Variants in ZNF362 observed in about 807,000 individuals in gnomAD.
ZNF362 encodes the protein rotund homolog.
Under a neutral mutation model 42.9 loss-of-function variants are expected in ZNF362, and 11 were observed. That is an observed-to-expected ratio of 0.26 (90% CI 0.16 to 0.42). The LOEUF is 0.42. Among genes scored for constraint, ZNF362 ranks in the 20% least tolerant of loss-of-function variants. The pLI is 1.00. For missense variants in ZNF362, 362 were observed against 576.2 expected, an observed-to-expected ratio of 0.63 and a Z score of 3.81; for synonymous variants, 255 against 257.3, an observed-to-expected ratio of 0.99 and a Z score of 0.09.
the ZNF362 span, among the ~76,000 whole-genome samples, chr1:33,221,830 C>A: frequency 6.6e-6 from 1 of 152,068 alleles, no homozygotes; most frequent in East Asian, 1.9e-4. Context: ...AACGATGGGG[C>A]AGTAGGATGC....
At chr1:33,256,479 G>A, upstream of ZNF362, 2 of 124,328 alleles carry the variant, frequency 1.6e-5, no homozygotes, top group Non-Finnish European at 3.1e-5. Context: ...CCGCCTCGGC[G>A]CTTGCAGAAC....
chr1:33,270,261 T>TAGTGCTGGGCC (rs934644344), intron 1 of ZNF362, among the ~76,000 whole-genome samples: 5 of 152,148 alleles, frequency 3.3e-5, no homozygotes, highest in African/African-American at 4.8e-5. Flanking sequence ...GTTGGCCCTG[T>TAGTGCTGGGCC]AGTGCTGGGC....
chr1:33,266,674 A>G lies in ZNF362; in HGVS notation c.-88-3813A>G, dbSNP rs1035175250. Reference sequence around the variant, plus strand: ...GGACTGGACAAATAACCAGATAACCAGACAGTTCCTCAAGGTGGTGCCAGC... The same window carrying G: ...GGACTGGACAAATAACCAGATAACCGGACAGTTCCTCAAGGTGGTGCCAGC... On this transcript the variant is annotated intron_variant, in intron 1 of 8. Transcript: ENST00000539719. This position sits in a 1 kb window ranked among gnomAD's most constrained non-coding sequence, Gnocchi z 4.3. Among the ~76,000 whole-genome samples the G allele has an allele frequency of 1.3e-5, 2 of 152,210 alleles. No homozygotes were observed. Among genetic ancestry groups the G allele is most frequent in the Admixed American group, 6.5e-5 (1 of 15,286 alleles).
chr1:33,296,594 C>A (rs942267046), intron 8 of ZNF362, among the ~76,000 whole-genome samples: 1 of 152,092 alleles, frequency 6.6e-6, no homozygotes, highest in Non-Finnish European at 1.5e-5. Flanking sequence ...CCTGGAGGAG[C>A]AACACTTAGG....
intron 6 of ZNF362, among the ~76,000 whole-genome samples, chr1:33,288,603 A>T (rs1396088793): frequency 4.0e-5 from 6 of 151,780 alleles, no homozygotes. Context: ...AAATTAGCCG[A>T]GCACAGTGGC....
intron 3 of ZNF362, 82 bp from the exon 4 acceptor site, chr1:33,276,266 G>A: frequency 1.3e-6 from 2 of 1,567,300 alleles, no homozygotes; most frequent in South Asian, 1.2e-5. Context: ...GAGGAGCGAG[G>A]GGCTCGCGGG....
chr1:33,283,431 G>T (rs1570402459), intron 6 of ZNF362, among the ~76,000 whole-genome samples: 1 of 152,180 alleles, frequency 6.6e-6, no homozygotes. Context: ...GGCAGGCTGG[G>T]CTCAGTGGCT....
At chr1:33,185,957 A>G in the ZNF362 span, among the ~76,000 whole-genome samples, 1 of 152,350 alleles carries the variant, frequency 6.6e-6, no homozygotes, top group African/African-American at 2.4e-5. Context: ...GGGGACTTTA[A>G]CTTTTACATT....
chr1:33,190,967 T>C, the ZNF362 span, among the ~76,000 whole-genome samples: 2 of 152,206 alleles, frequency 1.3e-5, no homozygotes, highest in African/African-American at 4.8e-5. Flanking sequence ...AGTTTGCAGT[T>C]TCCCAACACT....
the ZNF362 span, among the ~76,000 whole-genome samples, chr1:33,139,527 T>G: frequency 7.0e-3 from 1,068 of 151,886 alleles, 7 homozygotes; most frequent in African/African-American, 0.025. Context: ...GAAGGATGAG[T>G]AAGATTTCAA....
chr1:33,146,828 T>G, the ZNF362 span: 1 of 331,850 alleles, frequency 3.0e-6, no homozygotes, highest in African/African-American at 2.1e-5. Flanking sequence ...GCTCTGACAC[T>G]TCCTGAGGTC....
At chr1:33,156,023 C>T in the ZNF362 span, among the ~76,000 whole-genome samples, 1 of 152,338 alleles carries the variant, frequency 6.6e-6, no homozygotes, top group African/African-American at 2.4e-5. Flanking sequence ...GCCCCACTGG[C>T]TTTGGTGCCC....
chr1:33,160,202 A>G, the ZNF362 span, among the ~76,000 whole-genome samples: 1 of 152,110 alleles, frequency 6.6e-6, no homozygotes, highest in Non-Finnish European at 1.5e-5. Flanking sequence ...ATGGTGAGGA[A>G]CACGGTTTGA....
chr1:33,158,417 C>G, the ZNF362 span: 1 of 1,563,728 alleles, frequency 6.4e-7, no homozygotes, highest in South Asian at 1.1e-5. Context: ...GGATTCCTGC[C>G]CCAATGCCAG....
the ZNF362 span, among the ~76,000 whole-genome samples, chr1:33,173,566 A>G: frequency 6.6e-6 from 1 of 151,966 alleles, no homozygotes; most frequent in African/African-American, 2.4e-5. Context: ...AACCACCTGA[A>G]CACATGTGTG....
At chr1:33,288,866 T>C (rs1381075933) in intron 6 of ZNF362, among the ~76,000 whole-genome samples, 2 of 150,966 alleles carry the variant, frequency 1.3e-5, no homozygotes, top group African/African-American at 4.9e-5. Context: ...AGAGAGAGGA[T>C]TCTGATGTTA....
chr1:33,152,066 T>C, the ZNF362 span, among the ~76,000 whole-genome samples: 1 of 152,220 alleles, frequency 6.6e-6, no homozygotes, highest in African/African-American at 2.4e-5. Context: ...TCACACTCAC[T>C]AGCTCATGGG....
chr1:33,258,433 A>G (rs1645808245), intron 1 of ZNF362, among the ~76,000 whole-genome samples: 1 of 152,132 alleles, frequency 6.6e-6, no homozygotes, highest in Admixed American at 6.5e-5. Flanking sequence ...CAGAAGCCAG[A>G]GTCGGGGGTT....
chr1:33,295,313 C>T lies in ZNF362; in HGVS notation c.1146+8C>T, dbSNP rs372163709. On this transcript the variant is annotated splice_region_variant and intron_variant, in intron 8 of 8. Transcript: ENST00000539719. ...GGGCGGGCCTACACCTCGGTGAGTG[C>T]CGGTCGGCCTGTGCCCTGCCCCGGG... The T allele has an allele frequency of 6.8e-6, 11 of 1,612,806 alleles. No individual in the cohort carries two copies. The highest frequency in any genetic ancestry group is 5.3e-5 in the African/African-American group (4 of 74,930).
Sources: allele counts gnomAD v4.1 joint callset (sites outside exome capture counted in the v4.1 genomes callset), GRCh38; gene constraint gnomAD v4.1.1; non-coding constraint Gnocchi (gnomAD v3.1); transcripts MANE v1.5; gene names NCBI Gene and HGNC (gene_info 2026-07-23, HGNC 2026-07-21).